The following SYT17 variants were observed in gnomAD, a reference collection of about 807,000 sequenced individuals.
The protein encoded by SYT17 is synaptotagmin 17, also known as synaptotagmin-17.
SYT17 carries 22 observed loss-of-function variants against 46.7 expected under a neutral mutation model. That is an observed-to-expected ratio of 0.47 (90% CI 0.34 to 0.67). SYT17 has a LOEUF of 0.67. SYT17 is among the 30% of genes least tolerant of loss of function. SYT17 has a pLI of 0.01. For missense variants in SYT17, 519 were observed against 612.8 expected (o/e 0.85, Z 1.62); for synonymous variants, 251 against 248.4 (o/e 1.01, Z -0.10).
Position 19,266,872 on chromosome 16 carries a change from C to T in SYT17, c.1229-8C>T. ...CTCCCTCCTGCCCTCAACCCTCTGG[C>T]TCCCTAGTTTTCGGCCACAACATGA... On this transcript the variant is annotated splice_region_variant and splice_polypyrimidine_tract_variant and intron_variant, in intron 7 of 7. Coordinates refer to ENST00000355377, the MANE Select transcript of SYT17 (RefSeq NM_016524.4). 6.2e-7 allele frequency: 1 copy of T among 1,611,418 alleles called. No individual in the cohort carries two copies. The highest frequency in any genetic ancestry group is 1.1e-5 in the South Asian group (1 of 90,826).
rs57576834 is a variant in SYT17, at chr16:19,186,357, G to A, written c.951+2210G>A. Among the ~76,000 whole-genome samples the A allele has an allele frequency of 5.4e-3, 819 of 151,984 alleles. 6 individuals carry two copies. The highest frequency in any genetic ancestry group is 0.019 in the African/African-American group (783 of 41,460). ...AAATTAGCCAGGCATGGTGGCATGT[G>A]CCTGTAGTCCCAGCTACTCGGGAGG... On this transcript the variant is annotated intron_variant, in intron 5 of 7. Transcript: ENST00000355377.
chr16:19,187,159 C>T (rs1374765715), intron 5 of SYT17, among the ~76,000 whole-genome samples: 4 of 152,252 alleles, frequency 2.6e-5, no homozygotes, highest in Middle Eastern at 6.8e-3. Context: ...CTCAGCCTCC[C>T]GAGTAGCTGG....
At chr16:19,172,460 G>T in intron 1 of SYT17, 1 of 1,450,250 alleles carries the variant, frequency 6.9e-7, no homozygotes, top group African/African-American at 1.4e-5. Context: ...CTATCTATCC[G>T]CCCGCTCTGA....
intron 7 of SYT17, among the ~76,000 whole-genome samples, chr16:19,228,952 G>C (rs979050169): frequency 6.6e-6 from 1 of 152,198 alleles, no homozygotes; most frequent in Non-Finnish European, 1.5e-5. Flanking sequence ...TGGACTTTCT[G>C]AACACTTGTT....
chr16:19,205,036 C>T (rs1377461604), intron 5 of SYT17, among the ~76,000 whole-genome samples: 1 of 152,222 alleles, frequency 6.6e-6, no homozygotes, highest in Non-Finnish European at 1.5e-5. Flanking sequence ...GCCACCTTCA[C>T]TTCTCACCTG....
intron 5 of SYT17, among the ~76,000 whole-genome samples, chr16:19,203,091 T>C (rs1358974217): frequency 2.0e-5 from 3 of 152,200 alleles, no homozygotes; most frequent in Non-Finnish European, 4.4e-5. Flanking sequence ...TGTCAGCACA[T>C]GCCTGGACCT....
At chr16:19,197,426 T>TTTTGTTTTG (rs1555457797) in intron 5 of SYT17, among the ~76,000 whole-genome samples, 1 of 150,284 alleles carries the variant, frequency 6.7e-6, no homozygotes, top group African/African-American at 2.5e-5. Context: ...TTTTGTTTTG[T>TTTTGTTTTG]TTTGTTTGTT....
chr16:19,211,114 G>T (rs1965881792), intron 5 of SYT17: 2 of 282,738 alleles, frequency 7.1e-6, no homozygotes, highest in East Asian at 1.3e-4. Context: ...GTCTATTTTG[G>T]TTCTCCCTAG....
chr16:19,247,980 C>T (rs1019615992), intron 7 of SYT17, among the ~76,000 whole-genome samples: 2 of 152,098 alleles, frequency 1.3e-5, no homozygotes, highest in Non-Finnish European at 2.9e-5. Context: ...ATATATCCAA[C>T]AAAGAGCCCA....
At chr16:19,192,011 T>C (rs1459367891) in intron 5 of SYT17, among the ~76,000 whole-genome samples, 1 of 152,214 alleles carries the variant, frequency 6.6e-6, no homozygotes, top group Non-Finnish European at 1.5e-5. Flanking sequence ...GTCTCAATCT[T>C]CTGACCTCGT....
Position 19,267,708 on chromosome 16 carries a change from T to C in SYT17, c.*632T>C, listed in dbSNP as rs1969453610. 1 of 152,266 alleles carries C rather than the reference T, an allele frequency of 6.6e-6. No homozygotes were observed. The highest frequency in any genetic ancestry group is 2.4e-5 in the African/African-American group (1 of 41,456). 9.4% of individuals were successfully genotyped at this position (152,266 alleles called of 1,614,324 possible). A position where few individuals can be genotyped will look rare whatever the true frequency, so the allele number is the denominator to read the frequency against. On this transcript the variant is annotated 3_prime_UTR_variant, in exon 8 of 8. Coordinates refer to ENST00000355377, the MANE Select transcript of SYT17 (RefSeq NM_016524.4). The stretch of plus-strand genomic sequence containing the variant: ...AGAAGCCTTTCCTGGCTTAACAGAA[T>C]TGTTCTTGTGTTAGCTCATCCCAGG...
chr16:19,230,355 C>T (rs777950753), intron 7 of SYT17, among the ~76,000 whole-genome samples: 32 of 151,174 alleles, frequency 2.1e-4, no homozygotes, highest in East Asian at 7.8e-4. Flanking sequence ...TGCAATGAGC[C>T]GAGATCACGC....
At chr16:19,222,938 C>A in intron 5 of SYT17, 107 bp from the exon 6 acceptor site, 1 of 1,441,000 alleles carries the variant, frequency 6.9e-7, no homozygotes, top group Non-Finnish European at 9.5e-7. Context: ...TCAACTGATG[C>A]GCTCACAGCA....
chr16:19,168,194 C>G (rs1963939052), upstream of SYT17: 1 of 191,384 alleles, frequency 5.2e-6, no homozygotes, highest in Non-Finnish European at 1.1e-5. This position sits in a 1 kb window ranked among gnomAD's most constrained non-coding sequence, Gnocchi z 6.9. Context: ...GTGTACCGCC[C>G]CCTCCCACCC....
In SYT17 at chr16:19,268,075, A is replaced by T. The variant is rs1292230157; in HGVS notation, c.*999A>T. ...ACAAAGACTTGATATATGGATTAAA[A>T]TGGCTATCACACCCCATCCATGATG... On this transcript the variant is annotated 3_prime_UTR_variant, in exon 8 of 8. Transcript: ENST00000355377. 1 of 152,152 alleles carries T rather than the reference A, an allele frequency of 6.6e-6. No individual in the cohort carries two copies. Among genetic ancestry groups the T allele is most frequent in the African/African-American group, 2.4e-5 (1 of 41,440 alleles). 9.4% of individuals were successfully genotyped at this position (152,152 alleles called of 1,614,324 possible). A position where few individuals can be genotyped will look rare whatever the true frequency, so the allele number is the denominator to read the frequency against.
chr16:19,224,851 C>T lies in SYT17; in HGVS notation c.1228+13C>T. 6.2e-7 allele frequency: 1 copy of T among 1,613,626 alleles called. No individual in the cohort carries two copies. Among genetic ancestry groups the T allele is most frequent in the Non-Finnish European group, 8.5e-7 (1 of 1,179,710 alleles). ...CTAGTGTTTACAGGTAGGTAGCATT[C>T]CAAAACCCGATGAACTCCAGGTGAG... On this transcript the variant is annotated intron_variant, in intron 7 of 7. Coordinates refer to ENST00000355377, the MANE Select transcript of SYT17 (RefSeq NM_016524.4).
intron 7 of SYT17, among the ~76,000 whole-genome samples, chr16:19,256,184 G>T (rs1351851145): frequency 6.6e-6 from 1 of 152,084 alleles, no homozygotes; most frequent in African/African-American, 2.4e-5. Flanking sequence ...TAGAACTGTT[G>T]GGTGCTATCA....
intron 7 of SYT17, among the ~76,000 whole-genome samples, chr16:19,239,359 A>C (rs1161399384): frequency 1.3e-5 from 2 of 152,212 alleles, no homozygotes; most frequent in African/African-American, 4.8e-5. Context: ...TGCAGGGCAC[A>C]GCTTCTAGTG....
At chr16:19,241,566 G>T (rs1967126089) in intron 7 of SYT17, among the ~76,000 whole-genome samples, 2 of 152,158 alleles carry the variant, frequency 1.3e-5, no homozygotes, top group Non-Finnish European at 2.9e-5. Flanking sequence ...GGTCCTCACT[G>T]GGTCGCTCTC....
Sources: allele counts gnomAD v4.1 joint callset (sites outside exome capture counted in the v4.1 genomes callset), GRCh38; gene constraint gnomAD v4.1.1; non-coding constraint Gnocchi (gnomAD v3.1); transcripts MANE v1.5; gene names NCBI Gene and HGNC (gene_info 2026-07-23, HGNC 2026-07-21).